DCLK3: variants seen among roughly 807,000 people sequenced by gnomAD.
DCLK3 encodes doublecortin like kinase 3.
A neutral mutation model predicts 46.4 loss-of-function variants in DCLK3; 30 were observed. That is an observed-to-expected ratio of 0.65 (90% confidence interval 0.48 to 0.88). The LOEUF is 0.88. Among genes scored for constraint, DCLK3 ranks in the 40% least tolerant of loss-of-function variants. The probability of loss-of-function intolerance (pLI) is 0.00; values close to 1 mark genes in which losing one functional copy is unlikely to be tolerated. For synonymous variants in DCLK3, 401 were observed against 339.2 expected, an observed-to-expected ratio of 1.18 and a Z score of -2.00; for missense variants, 846 against 907.1, an observed-to-expected ratio of 0.93 and a Z score of 0.87.
chr3:36,764,287 A>G lies in DCLK3; in HGVS notation c.-24T>C, dbSNP rs1701566106. ...ATGGCGCGGCGGCGGGCTCGGGGAG[A>G]GCCTGGAGCAGAGGTGGCAGCGCGG... On this transcript the variant is annotated 5_prime_UTR_variant, in exon 1 of 5. Coordinates refer to ENST00000636136, the MANE Select transcript of DCLK3 (RefSeq NM_001394672.2). The surrounding 1 kb of genome is among the most constrained non-coding windows in gnomAD (Gnocchi z 4.9). 4.5e-6 allele frequency: 1 copy of G among 220,488 alleles called. No individual in the cohort carries two copies. The highest frequency in any genetic ancestry group is 5.8e-5 in the Admixed American group (1 of 17,288). 13.7% of individuals were successfully genotyped at this position (220,488 alleles called of 1,614,324 possible).
At chr3:36,753,229 C>CT (rs1701458672) in intron 1 of DCLK3, among the ~76,000 whole-genome samples, 1 of 152,168 alleles carries the variant, frequency 6.6e-6, no homozygotes, top group African/African-American at 2.4e-5. Flanking sequence ...AAATATAAAA[C>CT]TTTCCTTTTT....
At chr3:36,757,229 C>T (rs1451873949) in intron 1 of DCLK3, among the ~76,000 whole-genome samples, 1 of 152,054 alleles carries the variant, frequency 6.6e-6, no homozygotes, top group East Asian at 1.9e-4. Context: ...GTTCTCTGCC[C>T]TCCACTTCCC....
rs184033632 is a variant in DCLK3, at chr3:36,713,223, A to G, written c.*2105T>C. On this transcript the variant is annotated 3_prime_UTR_variant, in exon 5 of 5. Coordinates refer to ENST00000636136, the MANE Select transcript of DCLK3 (RefSeq NM_001394672.2). ...GCAACTACAGCTTTTAGCAACTGGA[A>G]GAAGACTGAATCTATACAAGAGATC... 6.6e-6 allele frequency: 1 copy of G among 152,346 alleles called. No individual in the cohort carries two copies. The highest frequency in any genetic ancestry group is 1.9e-4 in the East Asian group (1 of 5,190). The allele number at this position is 152,346 out of a possible 1,614,324, so 9.4% of individuals were successfully genotyped here.
chr3:36,731,172 C>T (rs1701193934), intron 2 of DCLK3, among the ~76,000 whole-genome samples: 1 of 152,160 alleles, frequency 6.6e-6, no homozygotes, highest in South Asian at 2.1e-4. Context: ...AAGGAATGGA[C>T]TTTGGACTGT....
In DCLK3 at chr3:36,764,093, G is replaced by T; in HGVS notation, c.82+89C>A. The stretch of plus-strand genomic sequence containing the variant: ...GCACTGCTGCTACATCCCGCACGGA[G>T]CGGGGTCCAGAGTTAGGGCGAATGA... On this transcript the variant is annotated intron_variant, in intron 1 of 4. Transcript: ENST00000636136. The surrounding 1 kb of genome is among the most constrained non-coding windows in gnomAD (Gnocchi z 4.9). The T allele has an allele frequency of 3.8e-6, 1 of 261,880 alleles. No individual in the cohort carries two copies. The highest frequency in any genetic ancestry group is 7.3e-6 in the Non-Finnish European group (1 of 137,680). The allele number at this position is 261,880 out of a possible 1,614,324, so 16.2% of individuals were successfully genotyped here.
intron 3 of DCLK3, 34 bp from the exon 4 acceptor site, chr3:36,718,211 TGA>T: frequency 6.2e-7 from 1 of 1,612,490 alleles, no homozygotes; most frequent in Non-Finnish European, 8.5e-7. Context: ...CAAGCAAACC[TGA>T]GACCAGGCAG....
intron 2 of DCLK3, among the ~76,000 whole-genome samples, chr3:36,731,698 C>A (rs1445356579): frequency 6.6e-6 from 1 of 152,166 alleles, no homozygotes; most frequent in Non-Finnish European, 1.5e-5. Flanking sequence ...CAAGTCTTGT[C>A]TTTACCCTTA....
intron 3 of DCLK3, among the ~76,000 whole-genome samples, chr3:36,719,674 G>A (rs2125520854): frequency 1.3e-5 from 2 of 152,288 alleles, no homozygotes; most frequent in Middle Eastern, 6.8e-3. Context: ...CCATCTCTGT[G>A]TTGAGGAGTC....
rs200046972 is a variant in DCLK3 at position 36,738,420 on chromosome 3, G to C, written c.747C>G (p.Pro249=). 60 of 1,477,700 alleles carry C rather than the reference G, an allele frequency of 4.1e-5. No homozygotes were observed. Among genetic ancestry groups the C allele is most frequent in the Non-Finnish European group, 5.2e-5 (58 of 1,115,544 alleles). 91.5% of individuals were successfully genotyped at this position (1,477,700 alleles called of 1,614,324 possible). Residue 249 remains proline (P), a synonymous_variant, in exon 2 of 5, where the codon CCC becomes CCG. Coordinates refer to ENST00000636136, the MANE Select transcript of DCLK3 (RefSeq NM_001394672.2). ...KAAMRHQGKI[P]EELSLDDRAR... is the part of the protein sequence containing the mutation. ...CTCTGTCATCTAGTGAAAGCTCCTC[G>C]GGGATCTTCCCCTGGTGCCTCATGG...
At chr3:36,728,344 G>T (rs1701149991) in intron 2 of DCLK3, among the ~76,000 whole-genome samples, 1 of 151,904 alleles carries the variant, frequency 6.6e-6, no homozygotes, top group Non-Finnish European at 1.5e-5. Flanking sequence ...ACCTAGTACT[G>T]ATAAAGTATC....
intron 2 of DCLK3, among the ~76,000 whole-genome samples, chr3:36,726,300 G>T (rs1030458298): frequency 6.6e-6 from 1 of 151,976 alleles, no homozygotes; most frequent in African/African-American, 2.4e-5. Flanking sequence ...GAAGCTGATT[G>T]CTCAGACCAA....
chr3:36,715,668 A>G (rs1307516015), intron 4 of DCLK3, 147 bp from the exon 5 acceptor site: 5 of 727,202 alleles, frequency 6.9e-6, no homozygotes, highest in Admixed American at 3.7e-5. Flanking sequence ...GCACAGTCCA[A>G]TAGAAGACAG....
Position 36,738,268 on chromosome 3 carries a change from T to C in DCLK3, c.899A>G (p.Lys300Arg), listed in dbSNP as rs200424844. 6 of 1,542,876 alleles carry C rather than the reference T, an allele frequency of 3.9e-6. No individual in the cohort carries two copies. The African/African-American group carries it at 6.9e-5, about 18-fold the overall frequency. Residue 300 changes from lysine to arginine, a missense_variant, in exon 2 of 5, where the codon AAG becomes AGG. Physicochemically the swap from Lys to Arg is conservative, Grantham distance 26 (BLOSUM62 2). Coordinates refer to ENST00000636136, the MANE Select transcript of DCLK3 (RefSeq NM_001394672.2). ...GEKHLGVEIE[K>R]TSGEIIRCEK... Reference sequence around the variant, plus strand: ...GCATCTGATAATTTCACCCGAGGTCTTTTCAATCTCCACCCCAAGATGCTT... The same window carrying C: ...GCATCTGATAATTTCACCCGAGGTCCTTTCAATCTCCACCCCAAGATGCTT...
At chr3:36,752,985 T>C (rs1325399495) in intron 1 of DCLK3, among the ~76,000 whole-genome samples, 1 of 152,214 alleles carries the variant, frequency 6.6e-6, no homozygotes, top group African/African-American at 2.4e-5. Context: ...GGTATCTAAT[T>C]TTGTAGCTTT....
chr3:36,738,154 C>A lies in DCLK3; in HGVS notation c.1013G>T (p.Gly338Val). Residue 338 changes from glycine (G) to valine (V), a missense_variant, in exon 2 of 5, where the codon GGC (glycine) becomes GTC (valine). Around this residue, in one of 3 missense-constraint regions of DCLK3, gnomAD observed 553 missense variants for 543.0 expected, o/e 1.02. Transcript: ENST00000636136. ...CAGCTTCTCCACATCATACATTGGG[C>A]CCTTCCCCATATCCAGCTCACTGGT... is the stretch of plus-strand genomic sequence containing the variant. The part of the protein sequence containing the change: ...LGTSELDMGK[G>V]PMYDVEKLVR... 6.2e-7 allele frequency: 1 copy of A among 1,614,096 alleles called. No homozygotes were observed. Among genetic ancestry groups the A allele is most frequent in the African/African-American group, 1.3e-5 (1 of 75,050 alleles).
At chr3:36,722,994 G>GA (rs931666034) in intron 2 of DCLK3, among the ~76,000 whole-genome samples, 5 of 152,210 alleles carry the variant, frequency 3.3e-5, no homozygotes, top group Admixed American at 6.5e-5. Flanking sequence ...GAAGAAGACA[G>GA]AAAAATGTGG....
rs185279366 is a variant in DCLK3 at position 36,753,556 on chromosome 3, C to T, written c.82+10626G>A. On this transcript the variant is annotated intron_variant, in intron 1 of 4. Transcript: ENST00000636136. ...ATAAAGAGAACCAAGAAGCCTCTGC[C>T]GTTTTTGCCTTGTAATGCAGACAAA... Among the ~76,000 whole-genome samples, 16 of 152,270 alleles carry T rather than the reference C, an allele frequency of 1.1e-4. No individual in the cohort carries two copies. In the East Asian group the frequency reaches 2.1e-3, roughly 20 times the overall value.
chr3:36,754,515 C>T lies in DCLK3; in HGVS notation c.82+9667G>A, dbSNP rs140959977. On this transcript the variant is annotated intron_variant, in intron 1 of 4. Transcript: ENST00000636136. ...CATCTTTTCTTATCCAGACCGAAAA[C>T]GTAAACACATTATTACTGACAAGTT... 1.5e-3 allele frequency among the ~76,000 whole-genome samples: 223 copies of T among 152,298 alleles called. 3 individuals carry two copies. The highest frequency in any genetic ancestry group is 5.1e-3 in the African/African-American group (212 of 41,558).
Position 36,764,322 on chromosome 3 carries a change from T to G in DCLK3, c.-59A>C. 1 of 206,178 alleles carries G rather than the reference T, an allele frequency of 4.9e-6. No homozygotes were observed. Among genetic ancestry groups the G allele is most frequent in the Non-Finnish European group, 9.6e-6 (1 of 104,554 alleles). The allele number at this position is 206,178 out of a possible 1,614,324, so 12.8% of individuals were successfully genotyped here. ...AGAGGTGGCAGCGCGGGGACGCGGC[T>G]CGACGGTCGAGCAGGCGCGGGAAGG... On this transcript the variant is annotated 5_prime_UTR_variant, in exon 1 of 5. Transcript: ENST00000636136. The surrounding 1 kb of genome is among the most constrained non-coding windows in gnomAD (Gnocchi z 4.9).
Sources: gnomAD v4.1 joint callset for allele counts (sites outside exome capture counted in the v4.1 genomes callset) on GRCh38, gnomAD v4.1.1 for gene constraint, gnomAD v4.1.1 regional missense constraint, Gnocchi (gnomAD v3.1) non-coding constraint, MANE v1.5 for transcripts, NCBI Gene and HGNC (gene_info 2026-07-23, HGNC 2026-07-21) for gene names.